The following ADAMTSL1 variants were observed in gnomAD, a reference collection of about 807,000 sequenced individuals.
ADAMTSL1 encodes the protein ADAMTS like 1.
A neutral mutation model predicts 201.8 loss-of-function variants in ADAMTSL1; 126 were observed. That is an observed-to-expected ratio of 0.62 (90% CI 0.54 to 0.72). The LOEUF is 0.72. Among genes scored for constraint, ADAMTSL1 ranks in the 30% least tolerant of loss-of-function variants. ADAMTSL1 has a pLI of 0.00. For missense variants in ADAMTSL1, 2,679 were observed against 2,277.8 expected (o/e 1.18, Z -3.59); for synonymous variants, 1,121 against 903.4 (o/e 1.24, Z -4.32).
At chr9:18,243,776 C>T (rs534405668) in intron 2 of ADAMTSL1, among the ~76,000 whole-genome samples, 2 of 152,108 alleles carry the variant, frequency 1.3e-5, no homozygotes, top group Non-Finnish European at 2.9e-5. Flanking sequence ...CCCAAGGCTT[C>T]CTGATATTTT....
At chr9:18,174,100 T>A (rs763853970) in intron 2 of ADAMTSL1, among the ~76,000 whole-genome samples, 1 of 152,150 alleles carries the variant, frequency 6.6e-6, no homozygotes, top group Non-Finnish European at 1.5e-5. Flanking sequence ...AACATAAGAC[T>A]TATATTATAC....
intron 2 of ADAMTSL1, among the ~76,000 whole-genome samples, chr9:18,406,352 G>A (rs117766170): frequency 0.15 from 6,743 of 45,738 alleles, 191 homozygotes; most frequent in Non-Finnish European, 0.24. Context: ...TTTTTGACAT[G>A]GACTCTCACT....
At chr9:18,394,353 C>A (rs539092156) in intron 2 of ADAMTSL1, among the ~76,000 whole-genome samples, 2 of 152,170 alleles carry the variant, frequency 1.3e-5, no homozygotes, top group African/African-American at 4.8e-5. Flanking sequence ...CACAGCACTG[C>A]TTTTTGGTCC....
At chr9:18,523,675 C>T (rs1721590007) in intron 2 of ADAMTSL1, among the ~76,000 whole-genome samples, 1 of 146,946 alleles carries the variant, frequency 6.8e-6, no homozygotes, top group Non-Finnish European at 1.5e-5. Flanking sequence ...GCCAGTTTTC[C>T]CAGCACCATT....
At chr9:18,419,922 G>T (rs1234631425) in intron 2 of ADAMTSL1, among the ~76,000 whole-genome samples, 4 of 151,918 alleles carry the variant, frequency 2.6e-5, no homozygotes, top group Non-Finnish European at 2.9e-5. Flanking sequence ...TAGAGATGGG[G>T]TTTCACCATG....
intron 1 of ADAMTSL1, among the ~76,000 whole-genome samples, chr9:18,498,530 G>C (rs1379264208): frequency 6.6e-6 from 1 of 152,052 alleles, no homozygotes; most frequent in South Asian, 2.1e-4. Context: ...TAACGATGGG[G>C]TTTAACCATG....
At chr9:18,059,015 T>C (rs183280721) in intron 1 of ADAMTSL1, among the ~76,000 whole-genome samples, 28 of 152,356 alleles carry the variant, frequency 1.8e-4, no homozygotes, top group African/African-American at 6.5e-4. Context: ...GCCTAAGCAA[T>C]CACATCATGC....
chr9:18,072,884 T>C (rs1319285548), intron 1 of ADAMTSL1, among the ~76,000 whole-genome samples: 1 of 152,230 alleles, frequency 6.6e-6, no homozygotes, highest in Non-Finnish European at 1.5e-5. Flanking sequence ...GATGAGACGA[T>C]ATTTTTCCTT....
At chr9:17,982,605 C>G (rs1489297171) in intron 1 of ADAMTSL1, among the ~76,000 whole-genome samples, 1 of 151,878 alleles carries the variant, frequency 6.6e-6, no homozygotes, top group Non-Finnish European at 1.5e-5. Flanking sequence ...GAGCAAGACT[C>G]CGTCTCAGGG....
intron 13 of ADAMTSL1, among the ~76,000 whole-genome samples, chr9:18,693,411 C>T (rs1366069934): frequency 6.6e-6 from 1 of 152,094 alleles, no homozygotes; most frequent in African/African-American, 2.4e-5. Flanking sequence ...ATGAATAAGC[C>T]CACTGTGGCT....
intron 23 of ADAMTSL1, among the ~76,000 whole-genome samples, chr9:18,850,056 G>C (rs1461512541): frequency 6.6e-6 from 1 of 152,182 alleles, no homozygotes; most frequent in Non-Finnish European, 1.5e-5. Context: ...AAAATAGTTG[G>C]ACATGGAAAG....
intron 20 of ADAMTSL1, among the ~76,000 whole-genome samples, chr9:18,799,657 C>A (rs955088833): frequency 6.6e-6 from 1 of 152,136 alleles, no homozygotes; most frequent in Non-Finnish European, 1.5e-5. Context: ...ATGAGTGTAT[C>A]TTTCATTGAA....
intron 2 of ADAMTSL1, among the ~76,000 whole-genome samples, chr9:18,256,986 A>G (rs376382431): frequency 6.6e-6 from 1 of 152,224 alleles, no homozygotes; most frequent in African/African-American, 2.4e-5. Flanking sequence ...AAGCTTACAC[A>G]TTCCATGAGA....
chr9:18,800,405 G>T (rs1334399357), intron 20 of ADAMTSL1, among the ~76,000 whole-genome samples: 1 of 107,070 alleles, frequency 9.3e-6, no homozygotes, highest in African/African-American at 3.9e-5. Context: ...AAAAAAAAAA[G>T]GAAAAATGGA....
chr9:18,420,100 A>G (rs979735454), intron 2 of ADAMTSL1, among the ~76,000 whole-genome samples: 2 of 152,208 alleles, frequency 1.3e-5, no homozygotes, highest in Non-Finnish European at 2.9e-5. Context: ...AGTTTTCACC[A>G]TTACAGTTTC....
intron 1 of ADAMTSL1, among the ~76,000 whole-genome samples, chr9:18,025,355 C>T (rs545790149): frequency 6.6e-6 from 1 of 151,904 alleles, no homozygotes; most frequent in African/African-American, 2.4e-5. Flanking sequence ...AGATTACTTG[C>T]TAGGTTTTCT....
At chr9:17,933,989 T>A (rs1241698127) in intron 1 of ADAMTSL1, among the ~76,000 whole-genome samples, 2 of 151,914 alleles carry the variant, frequency 1.3e-5, no homozygotes, top group Non-Finnish European at 1.5e-5. Context: ...CCTCTTCTTG[T>A]TGTTTCTTTT....
chr9:18,468,312 C>T (rs1348448654), intron 2 of ADAMTSL1, among the ~76,000 whole-genome samples: 1 of 152,124 alleles, frequency 6.6e-6, no homozygotes, highest in Admixed American at 6.5e-5. Flanking sequence ...GCAATGAGTT[C>T]TGTTTTGTTT....
intron 7 of ADAMTSL1, among the ~76,000 whole-genome samples, chr9:18,656,933 TAA>T (rs560041627): frequency 6.8e-6 from 1 of 146,196 alleles, no homozygotes; most frequent in Non-Finnish European, 1.5e-5. Context: ...ATACCCCCTT[TAA>T]AAAAAAAAAG....
Sources: allele counts gnomAD v4.1 joint callset (sites outside exome capture counted in the v4.1 genomes callset), GRCh38; gene constraint gnomAD v4.1.1; transcripts MANE v1.5; gene names NCBI Gene and HGNC (gene_info 2026-07-23, HGNC 2026-07-21).